The following NRG3 variants were observed in gnomAD, a reference collection of about 807,000 sequenced individuals.
NRG3 encodes the protein pro-neuregulin-3, membrane-bound isoform.
In NRG3, 31 loss-of-function variants were observed where a neutral mutation model predicts 66.9. The observed-to-expected ratio is 0.46, with a 90% CI of 0.35 to 0.63. The LOEUF is 0.63. Ranked by LOEUF, NRG3 falls within the 20% of genes least tolerant of loss-of-function variation. The pLI, the probability that NRG3 is intolerant of heterozygous loss-of-function variation, is 0.00. For missense variants in NRG3, 910 were observed against 878.9 expected, an observed-to-expected ratio of 1.04 and a Z score of -0.45; for synonymous variants, 393 against 359.4, an observed-to-expected ratio of 1.09 and a Z score of -1.06.
chr10:82,504,306 G>A (rs1844474416), intron 2 of NRG3, among the ~76,000 whole-genome samples: 2 of 152,196 alleles, frequency 1.3e-5, no homozygotes, highest in African/African-American at 4.8e-5. Flanking sequence ...AAAGCAATGG[G>A]ACACATTGTC....
intron 6 of NRG3, among the ~76,000 whole-genome samples, chr10:82,964,908 C>A (rs538752146): frequency 6.6e-6 from 1 of 152,312 alleles, no homozygotes; most frequent in Admixed American, 6.5e-5. Flanking sequence ...CTACTGCCAA[C>A]ATGCGCCTGC....
chr10:82,149,651 T>G (rs1160462391), intron 1 of NRG3, among the ~76,000 whole-genome samples: 1 of 152,198 alleles, frequency 6.6e-6, no homozygotes, highest in African/African-American at 2.4e-5. Context: ...AGCCTAATAC[T>G]TTCTGAATAA....
chr10:82,221,205 A>C (rs2133776000), intron 1 of NRG3, among the ~76,000 whole-genome samples: 1 of 151,542 alleles, frequency 6.6e-6, no homozygotes, highest in African/African-American at 2.4e-5. Context: ...TTTTTTCTAG[A>C]CATATATTTT....
At chr10:81,983,891 G>A (rs1048778743) in intron 1 of NRG3, among the ~76,000 whole-genome samples, 11 of 152,140 alleles carry the variant, frequency 7.2e-5, no homozygotes, top group Non-Finnish European at 4.4e-5. Context: ...ATTTAAATAT[G>A]TGATTAAGGA....
At chr10:82,737,561 A>G (rs1591365133) in intron 2 of NRG3, among the ~76,000 whole-genome samples, 3 of 152,282 alleles carry the variant, frequency 2.0e-5, no homozygotes, top group African/African-American at 7.2e-5. Context: ...CAGCAGCACT[A>G]TTTCCTCCTC....
At chr10:81,997,957 T>C (rs2061008554) in intron 1 of NRG3, among the ~76,000 whole-genome samples, 1 of 151,854 alleles carries the variant, frequency 6.6e-6, no homozygotes, top group Non-Finnish European at 1.5e-5. Context: ...GTTTCTTCCA[T>C]TATTTCCAGT....
intron 3 of NRG3, among the ~76,000 whole-genome samples, chr10:82,794,877 A>G (rs1483963360): frequency 6.6e-6 from 1 of 152,144 alleles, no homozygotes; most frequent in Non-Finnish European, 1.5e-5. Flanking sequence ...CCCATATGAA[A>G]TAGTGGCCAC....
rs537979933 is a variant in NRG3, at chr10:82,398,137, G to A, written c.953+39269G>A. ...GGCTAGGCTTGCAGGGCTCGCTGGAGTGGCCCTTGGATCTTAGAACTAACA... is the reference window on the plus strand; with the variant it reads ...GGCTAGGCTTGCAGGGCTCGCTGGAATGGCCCTTGGATCTTAGAACTAACA... On this transcript the variant is annotated intron_variant, in intron 2 of 8. Transcript: ENST00000372141. Among the ~76,000 whole-genome samples, 8 of 152,214 alleles carry A rather than the reference G, an allele frequency of 5.3e-5. No individual in the cohort carries two copies. In the East Asian group the frequency reaches 1.2e-3, roughly 22 times the overall value.
chr10:82,710,377 G>A (rs1004867831), intron 2 of NRG3, among the ~76,000 whole-genome samples: 1 of 151,950 alleles, frequency 6.6e-6, no homozygotes, highest in African/African-American at 2.4e-5. Flanking sequence ...TCTCAGGTCG[G>A]GAGTTCGAGA....
At chr10:82,157,924 A>G (rs1896508) in intron 1 of NRG3, among the ~76,000 whole-genome samples, 7,981 of 151,718 alleles carry the variant, frequency 0.053, 350 homozygotes, top group East Asian at 0.19. Flanking sequence ...TTTTAGGCAA[A>G]GGAGAAAGTA....
intron 1 of NRG3, among the ~76,000 whole-genome samples, chr10:81,880,440 CGCTGTTACTGAA>C (rs1842079127): frequency 6.6e-6 from 1 of 152,198 alleles, no homozygotes; most frequent in African/African-American, 2.4e-5. Flanking sequence ...GGCAATTTCT[CGCTGTTACTGAA>C]GCTTTTCTAA....
At chr10:82,517,242 T>C in intron 2 of NRG3, among the ~76,000 whole-genome samples, 1 of 152,158 alleles carries the variant, frequency 6.6e-6, no homozygotes, top group East Asian at 1.9e-4. Context: ...ATTCTAACAG[T>C]TCTATACACA....
At chr10:82,139,174 G>A (rs552656138) in intron 1 of NRG3, among the ~76,000 whole-genome samples, 24 of 152,162 alleles carry the variant, frequency 1.6e-4, no homozygotes, top group African/African-American at 5.5e-4. Context: ...AATGGCACTA[G>A]GTTGCATATA....
At chr10:82,151,543 C>T (rs2070746085) in intron 1 of NRG3, among the ~76,000 whole-genome samples, 1 of 152,146 alleles carries the variant, frequency 6.6e-6, no homozygotes, top group African/African-American at 2.4e-5. Context: ...CTCCATTATT[C>T]ATCCTGTTTC....
At chr10:82,182,963 G>T (rs755786739) in intron 1 of NRG3, among the ~76,000 whole-genome samples, 1 of 151,918 alleles carries the variant, frequency 6.6e-6, no homozygotes, top group Non-Finnish European at 1.5e-5. Context: ...TGACTGCAAG[G>T]TTTCTGCTGA....
intron 1 of NRG3, among the ~76,000 whole-genome samples, chr10:82,029,519 A>G (rs1239238544): frequency 2.0e-5 from 3 of 152,156 alleles, no homozygotes; most frequent in Admixed American, 6.5e-5. Context: ...CTGGGATCTC[A>G]CCTGCCTTGC....
At chr10:81,943,447 T>C (rs976193016) in intron 1 of NRG3, among the ~76,000 whole-genome samples, 2 of 152,144 alleles carry the variant, frequency 1.3e-5, no homozygotes, top group African/African-American at 4.8e-5. Flanking sequence ...CCCTTACTAA[T>C]CTTGTGGAAA....
intron 1 of NRG3, among the ~76,000 whole-genome samples, chr10:82,334,448 GGCAGATAAGAGAGACTGCAAATAATA>G: frequency 6.6e-6 from 1 of 152,084 alleles, no homozygotes; most frequent in African/African-American, 2.4e-5. Context: ...TGTCTTTGAG[GGCAGATAAGAGAGACTGCAAATAATA>G]GCTCTAGAAG....
intron 1 of NRG3, among the ~76,000 whole-genome samples, chr10:82,193,003 G>T (rs1045070290): frequency 6.6e-6 from 1 of 151,952 alleles, no homozygotes; most frequent in African/African-American, 2.4e-5. Flanking sequence ...GAGAGTTTGT[G>T]AGGTGTGCTG....
Sources: gnomAD v4.1 joint callset for allele counts (sites outside exome capture counted in the v4.1 genomes callset) on GRCh38, gnomAD v4.1.1 for gene constraint, MANE v1.5 for transcripts, NCBI Gene and HGNC (gene_info 2026-07-23, HGNC 2026-07-21) for gene names.